The following SLC23A2 variants were observed in gnomAD, a reference collection of about 807,000 sequenced individuals.
SLC23A2 encodes solute carrier family 23 member 2.
A neutral mutation model predicts 73.3 loss-of-function variants in SLC23A2; 36 were observed. The ratio of observed to expected loss-of-function variants is 0.49; its 90% CI spans 0.38 to 0.65. SLC23A2 has a LOEUF of 0.65. Among genes scored for constraint, SLC23A2 ranks in the 30% least tolerant of loss-of-function variants. The probability of loss-of-function intolerance (pLI) is 0.00; values close to 1 mark genes in which losing one functional copy is unlikely to be tolerated. For synonymous variants in SLC23A2, 343 were observed against 327.3 expected (o/e 1.05, Z -0.52); for missense variants, 507 against 841.6 (o/e 0.60, Z 4.92).
intron 2 of SLC23A2, among the ~76,000 whole-genome samples, chr20:4,949,443 T>C (rs951065868): frequency 2.6e-5 from 4 of 152,058 alleles, no homozygotes; most frequent in Admixed American, 2.6e-4. Context: ...ACACAGAAAT[T>C]TTACTCGCTG....
chr20:4,920,707 A>G (rs1932474390), intron 3 of SLC23A2, among the ~76,000 whole-genome samples: 1 of 152,218 alleles, frequency 6.6e-6, no homozygotes, highest in Non-Finnish European at 1.5e-5. Flanking sequence ...GAACGGAGCT[A>G]CAGACACAGA....
At chr20:4,962,869 C>T (rs902849196) in intron 2 of SLC23A2, among the ~76,000 whole-genome samples, 1 of 152,088 alleles carries the variant, frequency 6.6e-6, no homozygotes, top group Non-Finnish European at 1.5e-5. Flanking sequence ...TGGTGGCATG[C>T]ACCTGTAATC....
At chr20:4,859,638 A>C (rs1929879257) in intron 15 of SLC23A2, among the ~76,000 whole-genome samples, 1 of 152,244 alleles carries the variant, frequency 6.6e-6, no homozygotes, top group Admixed American at 6.5e-5. Flanking sequence ...AGATGAATCT[A>C]AGAGTGGTGT....
chr20:4,933,847 C>A (rs990901959), intron 2 of SLC23A2, among the ~76,000 whole-genome samples: 5 of 152,180 alleles, frequency 3.3e-5, no homozygotes, highest in African/African-American at 1.2e-4. Context: ...AGAATCCAAC[C>A]AAGCTGCCCT....
At chr20:4,885,262 A>C (rs1931050939) in intron 7 of SLC23A2, among the ~76,000 whole-genome samples, 1 of 152,210 alleles carries the variant, frequency 6.6e-6, no homozygotes, top group African/African-American at 2.4e-5. Context: ...AGGCTGGAAA[A>C]CTTTGCTCCT....
At chr20:4,910,379 GA>G (rs373996937) in intron 4 of SLC23A2, among the ~76,000 whole-genome samples, 40,898 of 128,088 alleles carry the variant, frequency 0.32, 6,992 homozygotes, top group East Asian at 0.65. Context: ...TCTGTCTCAA[GA>G]AAAAAAAAAA....
At position 4,983,453 on chromosome 20, in the gene SLC23A2, T is replaced by C. The variant is rs564217522; in HGVS notation, c.-281-12534A>G. The stretch of plus-strand genomic sequence containing the variant: ...CAAGGTGAGGAGATCGAGACCATCC[T>C]GGCCAACACGGTGAAACCCCGTCTC... On this transcript the variant is annotated intron_variant, in intron 1 of 16. Transcript: ENST00000338244. Among the ~76,000 whole-genome samples the C allele has an allele frequency of 5.2e-3, 775 of 150,326 alleles. 1 individual carries two copies. Among genetic ancestry groups the C allele is most frequent in the African/African-American group, 0.011 (428 of 40,524 alleles).
At chr20:4,906,848 T>G (rs561004253) in intron 4 of SLC23A2, among the ~76,000 whole-genome samples, 1 of 152,100 alleles carries the variant, frequency 6.6e-6, no homozygotes, top group African/African-American at 2.4e-5. Context: ...TTTTTTAATA[T>G]GGAAATTGTT....
chr20:4,988,936 G>C (rs1050678098), intron 1 of SLC23A2, among the ~76,000 whole-genome samples: 2 of 151,348 alleles, frequency 1.3e-5, no homozygotes, highest in African/African-American at 4.9e-5. Flanking sequence ...AAGGGAAAAG[G>C]AAAAGAAATC....
At chr20:4,955,204 T>C (rs1028914039) in intron 2 of SLC23A2, among the ~76,000 whole-genome samples, 2 of 151,860 alleles carry the variant, frequency 1.3e-5, no homozygotes, top group Non-Finnish European at 2.9e-5. Flanking sequence ...CAGTGAACAA[T>C]GACTACATCT....
intron 2 of SLC23A2, among the ~76,000 whole-genome samples, chr20:4,942,558 G>A (rs767611627): frequency 4.1e-4 from 62 of 152,080 alleles, no homozygotes; most frequent in Non-Finnish European, 2.2e-4. Context: ...CAACAATCAC[G>A]CACAAATGCA....
chr20:4,873,187 CCTT>C (rs1365260681), intron 11 of SLC23A2, among the ~76,000 whole-genome samples: 1 of 152,176 alleles, frequency 6.6e-6, no homozygotes, highest in Non-Finnish European at 1.5e-5. Context: ...CTCTTTTTCT[CCTT>C]GTCATTATAA....
intron 11 of SLC23A2, among the ~76,000 whole-genome samples, chr20:4,870,336 T>C (rs1263415818): frequency 6.6e-6 from 1 of 152,172 alleles, no homozygotes; most frequent in Non-Finnish European, 1.5e-5. Context: ...CCCAGCACTT[T>C]GGGAGGCCGA....
chr20:5,005,395 G>GT (rs199725248), upstream of SLC23A2, among the ~76,000 whole-genome samples: 2,353 of 150,576 alleles, frequency 0.016, 37 homozygotes, highest in Middle Eastern at 0.038. Flanking sequence ...TACAAACAAG[G>GT]TTTTTTTTTC....
At chr20:4,995,826 G>T (rs2088010622) in intron 1 of SLC23A2, among the ~76,000 whole-genome samples, 1 of 152,134 alleles carries the variant, frequency 6.6e-6, no homozygotes, top group Admixed American at 6.6e-5. Flanking sequence ...CAGCCCACAG[G>T]GCTGCAGAGA....
At chr20:4,929,667 A>G (rs2122936574) in intron 3 of SLC23A2, among the ~76,000 whole-genome samples, 1 of 152,366 alleles carries the variant, frequency 6.6e-6, no homozygotes, top group South Asian at 2.1e-4. Context: ...ATAAGAAATT[A>G]AGGACCAAAA....
At chr20:4,972,579 T>G (rs2122227764) in intron 1 of SLC23A2, among the ~76,000 whole-genome samples, 1 of 152,014 alleles carries the variant, frequency 6.6e-6, no homozygotes, top group African/African-American at 2.4e-5. Flanking sequence ...TTTTGGGGTT[T>G]TTTTGTTGTT....
At chr20:4,937,119 G>A (rs1450243552) in intron 2 of SLC23A2, among the ~76,000 whole-genome samples, 2 of 152,092 alleles carry the variant, frequency 1.3e-5, no homozygotes, top group Non-Finnish European at 2.9e-5. Flanking sequence ...CACTCTCAAG[G>A]TCAGAAAGTA....
chr20:4,971,983 A>C (rs2087567840), intron 1 of SLC23A2, among the ~76,000 whole-genome samples: 1 of 152,208 alleles, frequency 6.6e-6, no homozygotes, highest in South Asian at 2.1e-4. Context: ...TCTGTTTCTC[A>C]AACTGGGATA....
Sources: gnomAD v4.1 joint callset for allele counts (sites outside exome capture counted in the v4.1 genomes callset) on GRCh38, gnomAD v4.1.1 for gene constraint, MANE v1.5 for transcripts, NCBI Gene and HGNC (gene_info 2026-07-23, HGNC 2026-07-21) for gene names.